CAPN1: variants seen among roughly 807,000 people sequenced by gnomAD.
The protein encoded by CAPN1 is calpain 1, also known as calpain-1 catalytic subunit.
In CAPN1, 77 loss-of-function variants were observed where a neutral mutation model predicts 105.2. The observed-to-expected ratio is 0.73, with a 90% CI of 0.61 to 0.88. The LOEUF (loss-of-function observed/expected upper bound fraction) is 0.88, where lower values mean the gene tolerates loss of function less well. CAPN1 is among the 40% of genes least tolerant of loss of function. The pLI is 0.00. For missense variants in CAPN1, 833 were observed against 976.6 expected (o/e 0.85, Z 1.96); for synonymous variants, 355 against 388.8 (o/e 0.91, Z 1.02).
Position 65,209,954 on chromosome 11 carries a change from G to A in CAPN1, c.1863+37G>A, listed in dbSNP as rs1405207832. ...CCACTCACCTCAGTCATGCAGGTGC[G>A]GGCCGGGCAGGTGGGAAGGGCCGGG... On this transcript the variant is annotated intron_variant, in intron 18 of 21. Transcript: ENST00000279247. This position sits in a 1 kb window ranked among gnomAD's most constrained non-coding sequence, Gnocchi z 4.1. 6 of 1,612,346 alleles carry A rather than the reference G, an allele frequency of 3.7e-6. No individual in the cohort carries two copies. The highest frequency in any genetic ancestry group is 2.7e-5 in the African/African-American group (2 of 74,984).
At chr11:65,181,749 C>G (rs1477335744), upstream of CAPN1, 1 of 247,446 alleles carries the variant, frequency 4.0e-6, no homozygotes, top group East Asian at 1.8e-4. The surrounding 1 kb of genome is among the most constrained non-coding windows in gnomAD (Gnocchi z 4.6). Context: ...CGGAATTGGC[C>G]CCCGGCCTGC....
upstream of CAPN1, chr11:65,181,702 C>T (rs927459675): frequency 1.0e-5 from 3 of 300,698 alleles, no homozygotes; most frequent in Non-Finnish European, 2.0e-5. This position sits in a 1 kb window ranked among gnomAD's most constrained non-coding sequence, Gnocchi z 4.6. Context: ...GGCCCCTCCC[C>T]GGGGACTGCT....
chr11:65,186,091 C>A, intron 5 of CAPN1, 41 bp downstream of exon 5: 2 of 1,607,808 alleles, frequency 1.2e-6, no homozygotes, highest in Non-Finnish European at 1.7e-6. Context: ...TTCCAGCTCC[C>A]CCTAGGGGTG....
In CAPN1 at chr11:65,182,912, A is replaced by G; in HGVS notation, c.211A>G (p.Lys71Glu). ...CCCGGTACCCCAGAGCCTGGGTTACAAGGACCTGGGTCCCAATTCCTCCAA... is the reference window on the plus strand; with the variant it reads ...CCCGGTACCCCAGAGCCTGGGTTACGAGGACCTGGGTCCCAATTCCTCCAA... ...FPPVPQSLGY[K>E]DLGPNSSKTY... The change falls in exon 2 of 22, where the codon AAG becomes GAG. Residue 71 changes from lysine (K) to glutamate (E), a missense_variant. Physicochemically the swap from Lys to Glu is moderately conservative, Grantham distance 56. Coordinates refer to ENST00000279247, the MANE Select transcript of CAPN1 (RefSeq NM_005186.4). 6.2e-7 allele frequency: 1 copy of G among 1,611,120 alleles called. No individual in the cohort carries two copies. The highest frequency in any genetic ancestry group is 8.5e-7 in the Non-Finnish European group (1 of 1,178,702).
At chr11:65,196,619 G>A (rs1590857775) in intron 10 of CAPN1, among the ~76,000 whole-genome samples, 1 of 152,004 alleles carries the variant, frequency 6.6e-6, no homozygotes, top group Admixed American at 6.6e-5. Flanking sequence ...TTCTTAAGGT[G>A]GAAGGTTAGG....
rs1948986787 is a variant in CAPN1, at chr11:65,207,975, A to C, written c.1606-80A>C. The C allele has an allele frequency of 1.4e-5, 14 of 984,192 alleles. No homozygotes were observed. The South Asian group carries it at 1.9e-4, about 13-fold the overall frequency. The allele number at this position is 984,192 out of a possible 1,614,324, so 61.0% of individuals were successfully genotyped here. A position where few individuals can be genotyped will look rare whatever the true frequency, so the allele number is the denominator to read the frequency against. On this transcript the variant is annotated intron_variant, in intron 14 of 21. Transcript: ENST00000279247. Reference sequence around the variant, plus strand: ...CGAAGTGACTTGTAGCAGATATGTGACCTCAGCCCTCCCTCCAGCTGCCTC... The same window carrying C: ...CGAAGTGACTTGTAGCAGATATGTGCCCTCAGCCCTCCCTCCAGCTGCCTC...
In CAPN1 at chr11:65,201,678, C is replaced by T. The variant is rs866883175; in HGVS notation, c.1166-3005C>T. 4.6e-5 allele frequency among the ~76,000 whole-genome samples: 7 copies of T among 151,586 alleles called. 1 individual carries two copies. The South Asian group carries it at 6.2e-4, about 14-fold the overall frequency. ...GACTACAGGCACCTGCCACCACGCC[C>T]GGCTAATTTTTTTGTATTTTTAGTA... On this transcript the variant is annotated intron_variant, in intron 10 of 21. Coordinates refer to ENST00000279247, the MANE Select transcript of CAPN1 (RefSeq NM_005186.4).
rs562864357 is a variant in CAPN1, at chr11:65,201,037, C to A, written c.1166-3646C>A. On this transcript the variant is annotated intron_variant, in intron 10 of 21. Transcript: ENST00000279247. The stretch of plus-strand genomic sequence containing the variant: ...TCAGCTCACTGCAAGCTCCTTCTCC[C>A]GGGTTCGTGCCATTCTCCTGCCTCA... 5.4e-5 allele frequency among the ~76,000 whole-genome samples: 8 copies of A among 148,856 alleles called. No individual in the cohort carries two copies. In the South Asian group the frequency reaches 1.5e-3, roughly 28 times the overall value.
chr11:65,181,614 C>A, upstream of CAPN1: 1 of 409,442 alleles, frequency 2.4e-6, no homozygotes, highest in South Asian at 1.7e-5. The surrounding 1 kb of genome is among the most constrained non-coding windows in gnomAD (Gnocchi z 4.6). Context: ...GTTAAAAATA[C>A]CCCCTGCCCG....
rs10895991 is a variant in CAPN1 at position 65,204,815 on chromosome 11, G to A, written c.1298G>A (p.Arg433His). The change falls in exon 11 of 22, where the codon CGC becomes CAC. Residue 433 changes from arginine to histidine, a missense_variant. Transcript: ENST00000279247. ...CAGAAGCACCGTCGCCGCGAGCGCC[G>A]CTTCGGCCGCGACATGGAGACTATT... ...LMQKHRRRER[R>H]FGRDMETIGF... 6.2e-7 allele frequency: 1 copy of A among 1,612,184 alleles called. No homozygotes were observed. The highest frequency in any genetic ancestry group is 8.5e-7 in the Non-Finnish European group (1 of 1,179,272).
Position 65,210,435 on chromosome 11 carries a change from G to A in CAPN1, c.2042G>A (p.Arg681Gln), listed in dbSNP as rs367867915. 48 of 1,609,202 alleles carry A rather than the reference G, an allele frequency of 3.0e-5. No homozygotes were observed. The highest frequency in any genetic ancestry group is 9.4e-5 in the African/African-American group (7 of 74,820). Residue 681 changes from arginine to glutamine, a missense_variant, in exon 20 of 22, where the codon CGG (arginine) becomes CAG (glutamine). By Grantham distance (43) the Arg-to-Gln change is conservative. Coordinates refer to ENST00000279247, the MANE Select transcript of CAPN1 (RefSeq NM_005186.4). The surrounding 1 kb of genome is among the most constrained non-coding windows in gnomAD (Gnocchi z 4.3). Reference protein sequence around the residue: ...DFDNFVCCLVRLETMFRFFKT... With the variant: ...DFDNFVCCLVQLETMFRFFKT... Reference sequence around the variant, plus strand: ...GACAATTTCGTTTGCTGCCTGGTGCGGCTAGAGACCATGTTCCGTGAGTGT... The same window carrying A: ...GACAATTTCGTTTGCTGCCTGGTGCAGCTAGAGACCATGTTCCGTGAGTGT...
At chr11:65,186,802 C>T (rs180853541) in intron 6 of CAPN1, among the ~76,000 whole-genome samples, 5 of 152,318 alleles carry the variant, frequency 3.3e-5, no homozygotes, top group Admixed American at 6.5e-5. Context: ...CACTGCCATC[C>T]GCAGCTCTAA....
Position 65,188,489 on chromosome 11 carries a change from G to A in CAPN1, c.1004+1G>A, listed in dbSNP as rs1948671153. 6.2e-7 allele frequency: 1 copy of A among 1,612,832 alleles called. No homozygotes were observed. The highest frequency in any genetic ancestry group is 8.5e-7 in the Non-Finnish European group (1 of 1,179,368). On this transcript the variant is annotated splice_donor_variant, in intron 9 of 21. Coordinates refer to ENST00000279247, the MANE Select transcript of CAPN1 (RefSeq NM_005186.4). LOFTEE classifies it high-confidence loss of function. This position sits in a 1 kb window ranked among gnomAD's most constrained non-coding sequence, Gnocchi z 5.5. ...TCAAGATGGAGGACGGGGAGTTCTG[G>A]TGAGCGCCCCCTCCCCTTCTACCCC...
At chr11:65,194,128 A>AT (rs543647420) in intron 10 of CAPN1, among the ~76,000 whole-genome samples, 6,759 of 145,806 alleles carry the variant, frequency 0.046, 171 homozygotes, top group African/African-American at 0.051. Flanking sequence ...TGCCCAACTA[A>AT]TTTTTTTTTT....
Position 65,210,321 on chromosome 11 carries a change from ACTCT to A in CAPN1, c.1943-13_1943-10del, listed in dbSNP as rs1377126263. On this transcript the variant is annotated splice_polypyrimidine_tract_variant and intron_variant, in intron 19 of 21. Transcript: ENST00000279247. The surrounding 1 kb of genome is among the most constrained non-coding windows in gnomAD (Gnocchi z 4.3). ...GGCTGCGCCTCACTGACCTTCACTC[ACTCT>A]CCTGGACCAGGCTTCAAGCTCAACA... 6.3e-7 allele frequency: 1 copy of A among 1,580,920 alleles called. No homozygotes were observed. Among genetic ancestry groups the A allele is most frequent in the Admixed American group, 1.7e-5 (1 of 59,088 alleles).
chr11:65,206,696 G>T (rs748730710), intron 13 of CAPN1, 22 bp downstream of exon 13: 1 of 1,611,416 alleles, frequency 6.2e-7, no homozygotes, highest in East Asian at 2.2e-5. Flanking sequence ...ACTGGCCCCT[G>T]CCACTCTCCC....
chr11:65,204,911 G>GC (rs1948931651), intron 11 of CAPN1, 53 bp downstream of exon 11: 5 of 1,509,618 alleles, frequency 3.3e-6, no homozygotes, highest in Non-Finnish European at 4.5e-6. Flanking sequence ...AGGACCTGGC[G>GC]CCCCCGACCC....
Position 65,211,614 on chromosome 11 carries a change from T to G in CAPN1, c.*328T>G. On this transcript the variant is annotated 3_prime_UTR_variant, in exon 22 of 22. Transcript: ENST00000279247. Reference sequence around the variant, plus strand: ...ATCCTGATGTGTCCCCTCTCCCCACTTCAGAGGCCACCCACTCAGCACCAC... The same window carrying G: ...ATCCTGATGTGTCCCCTCTCCCCACGTCAGAGGCCACCCACTCAGCACCAC... The G allele has an allele frequency of 2.1e-6, 1 of 466,112 alleles. No individual in the cohort carries two copies. The highest frequency in any genetic ancestry group is 3.9e-6 in the Non-Finnish European group (1 of 253,484). 28.9% of individuals were successfully genotyped at this position (466,112 alleles called of 1,614,324 possible). A position where few individuals can be genotyped will look rare whatever the true frequency, so the allele number is the denominator to read the frequency against.
intron 11 of CAPN1, among the ~76,000 whole-genome samples, chr11:65,205,489 C>T (rs1005534681): frequency 2.0e-5 from 3 of 151,846 alleles, no homozygotes; most frequent in African/African-American, 7.3e-5. Flanking sequence ...AGAATGGAGT[C>T]CTAGGGCAAG....
Sources: allele counts gnomAD v4.1 joint callset (sites outside exome capture counted in the v4.1 genomes callset), GRCh38; gene constraint gnomAD v4.1.1; non-coding constraint Gnocchi (gnomAD v3.1); transcripts MANE v1.5; gene names NCBI Gene and HGNC (gene_info 2026-07-23, HGNC 2026-07-21).